The following PTPN2 variants were observed in gnomAD, a reference collection of about 807,000 sequenced individuals.
The protein encoded by PTPN2 is protein tyrosine phosphatase non-receptor type 2.
A neutral mutation model predicts 57.3 loss-of-function variants in PTPN2; 19 were observed. The observed-to-expected ratio is 0.33, with a 90% CI of 0.23 to 0.49. The LOEUF (loss-of-function observed/expected upper bound fraction) is 0.49, where lower values mean the gene tolerates loss of function less well. PTPN2 is among the 20% of genes least tolerant of loss of function. The probability of loss-of-function intolerance (pLI) is 0.99; values close to 1 mark genes in which losing one functional copy is unlikely to be tolerated. For missense variants in PTPN2, 358 were observed against 501.1 expected (o/e 0.71, Z 2.73); for synonymous variants, 153 against 164.9 (o/e 0.93, Z 0.55).
At position 12,817,146 on chromosome 18, in the gene PTPN2, A is replaced by C. The variant is rs771795678; in HGVS notation, c.705+10T>G. The C allele has an allele frequency of 5.6e-6, 9 of 1,605,238 alleles. No homozygotes were observed. Among genetic ancestry groups the C allele is most frequent in the Admixed American group, 5.1e-5 (3 of 58,306 alleles). Reference sequence around the variant, plus strand: ...AATGAGATTAAAATGAGATCGTAAGAAGCACTTACCAAAACAAGACAAGTG... The same window carrying C: ...AATGAGATTAAAATGAGATCGTAAGCAGCACTTACCAAAACAAGACAAGTG... On this transcript the variant is annotated intron_variant, in intron 6 of 8. Coordinates refer to ENST00000309660, the MANE Select transcript of PTPN2 (RefSeq NM_002828.4).
At chr18:12,837,971 T>C (rs897488615) in intron 2 of PTPN2, among the ~76,000 whole-genome samples, 7 of 152,184 alleles carry the variant, frequency 4.6e-5, no homozygotes, top group African/African-American at 1.4e-4. Context: ...CTCAGAAAGA[T>C]GATGTCAACA....
chr18:12,854,827 G>GA (rs768756969), intron 2 of PTPN2, among the ~76,000 whole-genome samples: 1 of 152,100 alleles, frequency 6.6e-6, no homozygotes, highest in African/African-American at 2.4e-5. Flanking sequence ...GGCCAAAGAG[G>GA]AAAATCAGAA....
At position 12,836,808 on chromosome 18, in the gene PTPN2, T is replaced by C. The variant is rs74163638; in HGVS notation, c.244A>G (p.Ser82Gly). 1.1e-3 allele frequency: 1,697 copies of C among 1,604,580 alleles called. 5 individuals are homozygous for C. Among genetic ancestry groups the C allele is most frequent in the Middle Eastern group, 2.4e-3 (11 of 4,520 alleles). ...TTACTTGCCTGTGTTAAGATGTAAC[T>C]CCTTTGTGCCTCTTCTATGTCAACT... ...SLVDIEEAQR[S>G]YILTQGPLPN... The change falls in exon 3 of 9, where the codon AGT becomes GGT. Residue 82 changes from serine to glycine, a missense_variant. By Grantham distance (56) the Ser-to-Gly change is moderately conservative. Around this residue, in one of 4 missense-constraint regions of PTPN2, gnomAD observed 193 missense variants for 315.4 expected, o/e 0.61. Transcript: ENST00000309660.
At chr18:12,840,670 G>A (rs371332880) in intron 2 of PTPN2, 9 of 1,586,954 alleles carry the variant, frequency 5.7e-6, no homozygotes, top group Non-Finnish European at 7.7e-6. Flanking sequence ...TAACACACTA[G>A]AGCACAAAAA....
At chr18:12,873,788 A>G (rs536386553) in intron 1 of PTPN2, among the ~76,000 whole-genome samples, 1 of 148,590 alleles carries the variant, frequency 6.7e-6, no homozygotes, top group Non-Finnish European at 1.5e-5. Context: ...CTGGCTGCCC[A>G]GTCTGGAAAG....
At position 12,870,462 on chromosome 18, in the gene PTPN2, T is replaced by TAGAGAGAGAGAGAGAGAG. The variant is rs762120431; in HGVS notation, c.70-11226_70-11209dup. On this transcript the variant is annotated intron_variant, in intron 1 of 8. Coordinates refer to ENST00000309660, the MANE Select transcript of PTPN2 (RefSeq NM_002828.4). ...ATGTGTATATATATATATATATATA[T>TAGAGAGAGAGAGAGAGAG]AGAGAGAGAGAGAGAGAGAGAGAGA... Among the ~76,000 whole-genome samples the TAGAGAGAGAGAGAGAGAG allele has an allele frequency of 1.7e-4, 3 of 17,714 alleles. 1 individual carries two copies. The highest frequency in any genetic ancestry group is 2.3e-4 in the Non-Finnish European group (3 of 13,036). The allele number at this position is 17,714 out of a possible 152,430, so 11.6% of individuals were successfully genotyped here.
At chr18:12,826,770 T>C (rs1321370009) in intron 4 of PTPN2, among the ~76,000 whole-genome samples, 2 of 151,994 alleles carry the variant, frequency 1.3e-5, no homozygotes, top group African/African-American at 2.4e-5. Context: ...GGTTTTGCCA[T>C]GTTGGCCAGG....
At chr18:12,868,750 G>C (rs909646668) in intron 1 of PTPN2, among the ~76,000 whole-genome samples, 1 of 150,646 alleles carries the variant, frequency 6.6e-6, no homozygotes, top group East Asian at 2.1e-4. Context: ...TGATCTGCCC[G>C]CTTCAGCCTC....
intron 1 of PTPN2, among the ~76,000 whole-genome samples, chr18:12,874,699 C>T (rs1158839794): frequency 3.3e-5 from 5 of 149,368 alleles, no homozygotes; most frequent in African/African-American, 1.2e-4. Context: ...GTCAACCCCT[C>T]GCCCGGCCAG....
intron 1 of PTPN2, among the ~76,000 whole-genome samples, chr18:12,876,704 C>T (rs970451075): frequency 6.6e-6 from 1 of 152,154 alleles, no homozygotes; most frequent in African/African-American, 2.4e-5. Flanking sequence ...CAGACAAATC[C>T]ACTAAGAAAC....
At chr18:12,842,877 A>G (rs2043090132) in intron 2 of PTPN2, among the ~76,000 whole-genome samples, 1 of 152,228 alleles carries the variant, frequency 6.6e-6, no homozygotes, top group East Asian at 1.9e-4. Context: ...CACATATTCA[A>G]ATTCCTACAC....
At position 12,793,538 on chromosome 18, in the gene PTPN2, G is replaced by A. The variant is rs1459651713; in HGVS notation, c.*740C>T. 18 of 980,234 alleles carry A rather than the reference G, an allele frequency of 1.8e-5. No homozygotes were observed. The highest frequency in any genetic ancestry group is 2.1e-5 in the Non-Finnish European group (17 of 824,882). 60.7% of individuals were successfully genotyped at this position (980,234 alleles called of 1,614,324 possible). A position where few individuals can be genotyped will look rare whatever the true frequency, so the allele number is the denominator to read the frequency against. ...AAAGATATTTTTAGGAAAAACTTTTGTTTCTTTGTTTGCTTTTCTTTTTAA... is the reference window on the plus strand; with the variant it reads ...AAAGATATTTTTAGGAAAAACTTTTATTTCTTTGTTTGCTTTTCTTTTTAA... On this transcript the variant is annotated 3_prime_UTR_variant, in exon 9 of 9. Transcript: ENST00000309660.
intron 5 of PTPN2, among the ~76,000 whole-genome samples, chr18:12,818,016 C>T (rs2042137394): frequency 6.6e-6 from 1 of 152,070 alleles, no homozygotes; most frequent in African/African-American, 2.4e-5. Context: ...GTGGCGCGTG[C>T]CTGTAATCTC....
chr18:12,790,270 G>A (rs889663470), downstream of PTPN2, among the ~76,000 whole-genome samples: 1 of 152,206 alleles, frequency 6.6e-6, no homozygotes, highest in African/African-American at 2.4e-5. Context: ...ATCAAGGCAG[G>A]CTAGATTTTT....
chr18:12,871,703 T>C (rs1398226140), intron 1 of PTPN2, among the ~76,000 whole-genome samples: 3 of 152,220 alleles, frequency 2.0e-5, no homozygotes, highest in African/African-American at 7.2e-5. Context: ...TATAATTTTA[T>C]GGTTTCATTT....
At chr18:12,870,271 A>ATG (rs1555679393) in intron 1 of PTPN2, among the ~76,000 whole-genome samples, 3 of 93,356 alleles carry the variant, frequency 3.2e-5, no homozygotes, top group African/African-American at 1.9e-4. Flanking sequence ...ATATATATAT[A>ATG]TGTATATATA....
chr18:12,802,417 G>T (rs10502414), intron 7 of PTPN2, among the ~76,000 whole-genome samples: 22,406 of 151,974 alleles, frequency 0.15, 1,815 homozygotes, highest in African/African-American at 0.2. Flanking sequence ...AAATCTTGTG[G>T]ACTTTTACCT....
chr18:12,882,631 A>G (rs1234402180), intron 1 of PTPN2, among the ~76,000 whole-genome samples: 1 of 152,262 alleles, frequency 6.6e-6, no homozygotes, highest in Non-Finnish European at 1.5e-5. Flanking sequence ...GATTCCTACC[A>G]GAATTTGCGT....
intron 8 of PTPN2, among the ~76,000 whole-genome samples, chr18:12,800,223 A>G (rs2041365772): frequency 6.6e-6 from 1 of 152,148 alleles, no homozygotes; most frequent in South Asian, 2.1e-4. Context: ...AGCTTGTATG[A>G]GTGATTTAAC....
Sources: gnomAD v4.1 joint callset for allele counts (sites outside exome capture counted in the v4.1 genomes callset) on GRCh38, gnomAD v4.1.1 for gene constraint, gnomAD v4.1.1 regional missense constraint, MANE v1.5 for transcripts, NCBI Gene and HGNC (gene_info 2026-07-23, HGNC 2026-07-21) for gene names.